MTMR3: variants seen among roughly 807,000 people sequenced by gnomAD.
MTMR3 encodes the protein myotubularin related protein 3, also known as phosphatidylinositol-3,5-bisphosphate 3-phosphatase MTMR3.
MTMR3 carries 32 observed loss-of-function variants against 132.4 expected under a neutral mutation model. That is an observed-to-expected ratio of 0.24 (90% CI 0.18 to 0.32). The LOEUF (loss-of-function observed/expected upper bound fraction) is 0.32. MTMR3 is among the 10% of genes least tolerant of loss of function. The pLI is 1.00. For synonymous variants in MTMR3, 556 were observed against 550.3 expected (o/e 1.01, Z -0.14); for missense variants, 1,216 against 1,489.6 (o/e 0.82, Z 3.02).
intron 5 of MTMR3, chr22:29,983,254 A>C (rs1206875579): frequency 6.6e-6 from 1 of 152,224 alleles, no homozygotes; most frequent in African/African-American, 2.4e-5. Flanking sequence ...TGTGACCTTC[A>C]AAAAAATGTA....
intron 2 of MTMR3, among the ~76,000 whole-genome samples, chr22:29,957,306 T>C (rs2066215973): frequency 6.6e-6 from 1 of 151,644 alleles, no homozygotes; most frequent in Non-Finnish European, 1.5e-5. Context: ...ACTTTTTCTA[T>C]ATATAATTGC....
At chr22:29,913,169 G>A (rs2065246268) in intron 1 of MTMR3, among the ~76,000 whole-genome samples, 2 of 152,092 alleles carry the variant, frequency 1.3e-5, no homozygotes, top group South Asian at 4.1e-4. Context: ...AGTTGCTTGA[G>A]CCCAGGACAT....
chr22:29,993,453 A>T (rs1803587012), intron 7 of MTMR3: 1 of 152,162 alleles, frequency 6.6e-6, no homozygotes, highest in African/African-American at 2.4e-5. Flanking sequence ...ATCTCCTAGG[A>T]TAATGAACTT....
chr22:30,022,616 G>C lies in MTMR3; in HGVS notation c.3344G>C (p.Arg1115Pro). 2 of 1,613,000 alleles carry C rather than the reference G, an allele frequency of 1.2e-6. No homozygotes were observed. Among genetic ancestry groups the C allele is most frequent in the Non-Finnish European group, 1.7e-6 (2 of 1,179,966 alleles). ...QVDKQDTEMT[R>P]WLPDHLAAHC... ...GTCCCATCTGTTTTGCAGATGACCCGTTGGCTTCCTGACCACCTGGCCGCC... is the reference window on the plus strand; with the variant it reads ...GTCCCATCTGTTTTGCAGATGACCCCTTGGCTTCCTGACCACCTGGCCGCC... Residue 1115 changes from arginine (R) to proline (P), a missense_variant, in exon 19 of 20, where the codon CGT becomes CCT. By Grantham distance (103) the Arg-to-Pro change is moderately radical (BLOSUM62 -2). Transcript: ENST00000401950.
chr22:29,997,094 A>C (rs1396800964), intron 7 of MTMR3: 1 of 152,148 alleles, frequency 6.6e-6, no homozygotes, highest in Non-Finnish European at 1.5e-5. Flanking sequence ...ACCCCAATTC[A>C]GATAGTTTTT....
chr22:30,009,327 A>AAG (rs1176727351), intron 12 of MTMR3, 198 bp downstream of exon 12: 2 of 540,056 alleles, frequency 3.7e-6, no homozygotes, highest in Non-Finnish European at 6.6e-6. Flanking sequence ...AGCACAGAGG[A>AAG]AGAGTTGGGA....
chr22:30,025,376 A>G (rs1378575023), intron 19 of MTMR3: 17 of 530,402 alleles, frequency 3.2e-5, no homozygotes, highest in Non-Finnish European at 5.8e-5. Flanking sequence ...TGTATACCTG[A>G]GCAGCATTCT....
At chr22:29,988,198 C>T (rs553245310) in intron 5 of MTMR3, 8 of 223,120 alleles carry the variant, frequency 3.6e-5, no homozygotes, top group African/African-American at 6.8e-5. Flanking sequence ...CTTGTGAATT[C>T]GGTGCCTGAG....
At position 29,940,062 on chromosome 22, in the gene MTMR3, T is replaced by G. The variant is rs576376574; in HGVS notation, c.-137-16974T>G. On this transcript the variant is annotated intron_variant, in intron 1 of 19. Coordinates refer to ENST00000401950, the MANE Select transcript of MTMR3 (RefSeq NM_021090.4). ...GTGGGCAGATCACGAGGTCAGGAGA[T>G]CGAGACCATCCTGGCTAACACAGTG... Among the ~76,000 whole-genome samples, 3 of 152,226 alleles carry G rather than the reference T, an allele frequency of 2.0e-5. No homozygotes were observed. The South Asian group carries it at 6.3e-4, about 32-fold the overall frequency.
At chr22:29,916,619 T>C (rs765303563) in intron 1 of MTMR3, among the ~76,000 whole-genome samples, 33 of 152,212 alleles carry the variant, frequency 2.2e-4, no homozygotes, top group Non-Finnish European at 3.8e-4. Context: ...TCCAGTTTTT[T>C]AGTAGTTTTG....
intron 2 of MTMR3, among the ~76,000 whole-genome samples, chr22:29,966,059 T>C (rs1025614018): frequency 6.6e-6 from 1 of 152,098 alleles, no homozygotes; most frequent in Non-Finnish European, 1.5e-5. Context: ...GTAGAGAAAA[T>C]AGTTTAATAA....
Position 30,016,514 on chromosome 22 carries a change from T to C in MTMR3, c.1504-14T>C, listed in dbSNP as rs201102147. On this transcript the variant is annotated splice_polypyrimidine_tract_variant and intron_variant, in intron 14 of 19. Transcript: ENST00000401950. The stretch of plus-strand genomic sequence containing the variant: ...GCCTGATTGCTTAATTTGTGCTTCA[T>C]TGGACTTCCATAGGTGAAACTGGTG... The C allele has an allele frequency of 6.7e-4, 1,079 of 1,612,238 alleles. 3 individuals are homozygous for C. Among genetic ancestry groups the C allele is most frequent in the Middle Eastern group, 3.8e-3 (23 of 6,046 alleles).
chr22:30,007,265 A>T lies in MTMR3; in HGVS notation c.823A>T (p.Arg275Trp). 1.9e-6 allele frequency: 3 copies of T among 1,614,248 alleles called. No homozygotes were observed. Among genetic ancestry groups the T allele is most frequent in the Non-Finnish European group, 1.7e-6 (2 of 1,180,036 alleles). ...SRSSGSKLST[R>W]NTSRDFPNGG... is the part of the protein sequence containing the mutation. Reference sequence around the variant, plus strand: ...ATCGAGTGGCAGCAAGCTGTCAACTAGGAACACTTCTCGAGACTTTCCCAA... The same window carrying T: ...ATCGAGTGGCAGCAAGCTGTCAACTTGGAACACTTCTCGAGACTTTCCCAA... The change falls in exon 10 of 20, where the codon AGG becomes TGG. Residue 275 changes from arginine (R) to tryptophan (W), a missense_variant. Transcript: ENST00000401950.
chr22:29,930,868 A>G (rs2065628669), intron 1 of MTMR3, among the ~76,000 whole-genome samples: 1 of 151,682 alleles, frequency 6.6e-6, no homozygotes, highest in African/African-American at 2.4e-5. Flanking sequence ...TTAGCTGGTC[A>G]TGCTGATGCG....
At chr22:29,931,367 G>T (rs1184725326) in intron 1 of MTMR3, among the ~76,000 whole-genome samples, 4 of 152,152 alleles carry the variant, frequency 2.6e-5, no homozygotes, top group Non-Finnish European at 5.9e-5. Flanking sequence ...AACAAAGGAG[G>T]ACAACATCCA....
chr22:29,889,208 C>A (rs112828333), intron 1 of MTMR3, among the ~76,000 whole-genome samples: 3 of 149,764 alleles, frequency 2.0e-5, no homozygotes, highest in African/African-American at 7.4e-5. Context: ...ATATAGGACA[C>A]TATAATTTGG....
intron 5 of MTMR3, chr22:29,986,592 C>T (rs1377494269): frequency 1.0e-6 from 1 of 983,686 alleles, no homozygotes; most frequent in Non-Finnish European, 1.2e-6. Flanking sequence ...GGGTTAAGGA[C>T]GTAAATAAAA....
chr22:30,019,310 C>A lies in MTMR3; in HGVS notation c.1821-170C>A, dbSNP rs1368639520. 12 of 639,576 alleles carry A rather than the reference C, an allele frequency of 1.9e-5. No homozygotes were observed. The Admixed American group carries it at 3.5e-4, about 19-fold the overall frequency. The allele number at this position is 639,576 out of a possible 1,614,324, so 39.6% of individuals were successfully genotyped here. On this transcript the variant is annotated intron_variant, in intron 16 of 19. Transcript: ENST00000401950. ...AATCTGCACACTAGGAGGACTTGTTCCGGAGCTTTGCTGCTCCAGCAGTCT... is the reference window on the plus strand; with the variant it reads ...AATCTGCACACTAGGAGGACTTGTTACGGAGCTTTGCTGCTCCAGCAGTCT...
At chr22:30,017,629 A>C (rs1394276717) in intron 15 of MTMR3, 1 of 308,826 alleles carries the variant, frequency 3.2e-6, no homozygotes, top group East Asian at 8.2e-5. Context: ...CAAGCTGATG[A>C]AAGTCAGACA....
Sources: allele counts gnomAD v4.1 joint callset (sites outside exome capture counted in the v4.1 genomes callset), GRCh38; gene constraint gnomAD v4.1.1; transcripts MANE v1.5; gene names NCBI Gene and HGNC (gene_info 2026-07-23, HGNC 2026-07-21).